The following GRM7 variants were observed in gnomAD, a reference collection of about 807,000 sequenced individuals.
GRM7 encodes the protein glutamate metabotropic receptor 7.
In GRM7, 35 loss-of-function variants were observed where a neutral mutation model predicts 84.5. The ratio of observed to expected loss-of-function variants is 0.41; its 90% CI spans 0.32 to 0.55. The LOEUF is 0.55. GRM7 is among the 20% of genes least tolerant of loss of function. The probability of loss-of-function intolerance (pLI) is 0.19; values close to 1 mark genes in which losing one functional copy is unlikely to be tolerated. For missense variants in GRM7, 1,003 were observed against 1,194.6 expected (o/e 0.84, Z 2.36); for synonymous variants, 487 against 455.1 (o/e 1.07, Z -0.89).
intron 2 of GRM7, among the ~76,000 whole-genome samples, chr3:7,293,810 A>T (rs1280897585): frequency 1.3e-5 from 2 of 152,144 alleles, no homozygotes; most frequent in Non-Finnish European, 2.9e-5. Context: ...GTATGGCTTG[A>T]ATGTTTATGT....
chr3:6,866,638 C>T (rs1005408084), intron 1 of GRM7, among the ~76,000 whole-genome samples: 1 of 152,158 alleles, frequency 6.6e-6, no homozygotes, highest in African/African-American at 2.4e-5. Context: ...GATCATAAGA[C>T]ACAAGGCAGG....
rs996652174 is a variant in GRM7 at position 7,126,999 on chromosome 3, T to C, written c.520-19453T>C. 6.6e-5 allele frequency among the ~76,000 whole-genome samples: 10 copies of C among 152,370 alleles called. 1 individual carries two copies. The East Asian group carries it at 1.3e-3, about 21-fold the overall frequency. On this transcript the variant is annotated intron_variant, in intron 1 of 9. Transcript: ENST00000357716. ...TAAATGTTCTACTTTATGGAAATTA[T>C]GCAAAGGTGGCCAGTGGCCAGAATC...
chr3:7,102,871 T>C (rs1383209473), intron 1 of GRM7, among the ~76,000 whole-genome samples: 1 of 151,832 alleles, frequency 6.6e-6, no homozygotes, highest in East Asian at 1.9e-4. Flanking sequence ...GGTTTTGTTT[T>C]GTTTTCAGTT....
At chr3:6,891,924 G>T (rs1052808566) in intron 1 of GRM7, among the ~76,000 whole-genome samples, 1 of 152,128 alleles carries the variant, frequency 6.6e-6, no homozygotes, top group African/African-American at 2.4e-5. Context: ...TGGATGCTTT[G>T]TTCATTTCTT....
At chr3:7,035,517 G>A (rs1391373116) in intron 1 of GRM7, among the ~76,000 whole-genome samples, 4 of 152,140 alleles carry the variant, frequency 2.6e-5, no homozygotes, top group Non-Finnish European at 5.9e-5. Flanking sequence ...CGTGAGGGGT[G>A]GCTATCCGAA....
Position 7,033,565 on chromosome 3 carries a change from A to C in GRM7, c.520-112887A>C, listed in dbSNP as rs74600419. 3.7e-3 allele frequency among the ~76,000 whole-genome samples: 560 copies of C among 152,278 alleles called. 4 individuals are homozygous for C. Among genetic ancestry groups the C allele is most frequent in the African/African-American group, 0.013 (524 of 41,564 alleles). On this transcript the variant is annotated intron_variant, in intron 1 of 9. Transcript: ENST00000357716. ...TTCTTCTTGAAACCTACTTCCTTCC[A>C]AACCTAGCCACTTACAAAATGTTTA... is the stretch of plus-strand genomic sequence containing the variant.
At chr3:6,864,160 TC>T (rs775733612) in intron 1 of GRM7, among the ~76,000 whole-genome samples, 122 of 152,302 alleles carry the variant, frequency 8.0e-4, no homozygotes, top group Non-Finnish European at 1.4e-3. Flanking sequence ...TTGCAGCTAT[TC>T]ATGTTGGATT....
At chr3:7,541,728 C>A (rs1302405990) in intron 7 of GRM7, among the ~76,000 whole-genome samples, 2 of 152,210 alleles carry the variant, frequency 1.3e-5, no homozygotes, top group East Asian at 1.9e-4. Context: ...CCTTGGCTTG[C>A]CTTCAATCAC....
intron 1 of GRM7, among the ~76,000 whole-genome samples, chr3:7,066,456 A>C (rs1054008497): frequency 6.6e-6 from 1 of 151,576 alleles, no homozygotes; most frequent in Middle Eastern, 3.2e-3. Context: ...AAAATACAAC[A>C]CTCTTAGCTT....
intron 2 of GRM7, among the ~76,000 whole-genome samples, chr3:7,173,324 A>G (rs1695044934): frequency 6.6e-6 from 1 of 152,216 alleles, no homozygotes; most frequent in Admixed American, 6.5e-5. Flanking sequence ...CCCCTGGTCC[A>G]GACCAATGTA....
chr3:7,524,178 C>T (rs977720661), intron 7 of GRM7, among the ~76,000 whole-genome samples: 3 of 151,204 alleles, frequency 2.0e-5, no homozygotes, highest in South Asian at 2.1e-4. Context: ...AAAACCTAGG[C>T]ATTACCATTC....
chr3:7,648,654 G>GAA (rs749572979), intron 8 of GRM7, among the ~76,000 whole-genome samples: 48 of 130,140 alleles, frequency 3.7e-4, no homozygotes, highest in African/African-American at 1.2e-3. Flanking sequence ...GTCTCAAAAA[G>GAA]AAAAAAAAAA....
chr3:7,669,404 G>A (rs1238299601), intron 8 of GRM7, among the ~76,000 whole-genome samples: 2 of 152,166 alleles, frequency 1.3e-5, no homozygotes, highest in Non-Finnish European at 2.9e-5. Context: ...GATGGATGGA[G>A]CATGGCTCAT....
chr3:7,670,788 C>A (rs1356206511), intron 8 of GRM7, among the ~76,000 whole-genome samples: 1 of 152,090 alleles, frequency 6.6e-6, no homozygotes. Context: ...CCAATATATT[C>A]CCCAGTGAGG....
At chr3:7,357,348 C>T (rs1366991951) in intron 4 of GRM7, among the ~76,000 whole-genome samples, 1 of 152,006 alleles carries the variant, frequency 6.6e-6, no homozygotes, top group South Asian at 2.1e-4. Context: ...TGTTTCTCCC[C>T]AATAATTCAG....
At chr3:7,295,946 T>G (rs1304469479) in intron 2 of GRM7, among the ~76,000 whole-genome samples, 1 of 152,144 alleles carries the variant, frequency 6.6e-6, no homozygotes, top group Non-Finnish European at 1.5e-5. Context: ...AGTACAGTAT[T>G]GAACAGGATA....
chr3:7,368,956 A>G (rs1694023195), intron 4 of GRM7, among the ~76,000 whole-genome samples: 1 of 149,664 alleles, frequency 6.7e-6, no homozygotes, highest in Admixed American at 6.8e-5. Flanking sequence ...TGATCCCATT[A>G]CTTTTCAAAA....
chr3:7,565,309 A>C (rs1420835920), intron 7 of GRM7, among the ~76,000 whole-genome samples: 1 of 152,242 alleles, frequency 6.6e-6, no homozygotes, highest in Non-Finnish European at 1.5e-5. Flanking sequence ...ATTGAATTAC[A>C]ATAGTGGACA....
At chr3:7,138,952 GATA>G (rs1440136094) in intron 1 of GRM7, among the ~76,000 whole-genome samples, 2 of 150,332 alleles carry the variant, frequency 1.3e-5, no homozygotes, top group African/African-American at 4.9e-5. Context: ...GCACATTATA[GATA>G]ATTAACTACT....
Sources: gnomAD v4.1 joint callset for allele counts (sites outside exome capture counted in the v4.1 genomes callset) on GRCh38, gnomAD v4.1.1 for gene constraint, MANE v1.5 for transcripts, NCBI Gene and HGNC (gene_info 2026-07-23, HGNC 2026-07-21) for gene names.